ZSWIM6: variants seen among roughly 807,000 people sequenced by gnomAD.
ZSWIM6 encodes the protein zinc finger SWIM domain-containing protein 6.
ZSWIM6 carries 9 observed loss-of-function variants against 113.2 expected under a neutral mutation model. That is an observed-to-expected ratio of 0.08 (90% CI 0.05 to 0.14). The LOEUF (loss-of-function observed/expected upper bound fraction) is 0.14, where lower values mean the gene tolerates loss of function less well. Among genes scored for constraint, ZSWIM6 ranks in the 10% least tolerant of loss-of-function variants. The pLI, the probability that ZSWIM6 is intolerant of heterozygous loss-of-function variation, is 1.00. For synonymous variants in ZSWIM6, 611 were observed against 606.5 expected (o/e 1.01, Z -0.11); for missense variants, 1,162 against 1,552.2 (o/e 0.75, Z 4.22).
chr5:61,378,906 A>G (rs1273544069), intron 1 of ZSWIM6, among the ~76,000 whole-genome samples: 2 of 152,092 alleles, frequency 1.3e-5, no homozygotes, highest in East Asian at 1.9e-4. Context: ...TGGGCTGGGC[A>G]CGATGGCTCA....
intron 1 of ZSWIM6, among the ~76,000 whole-genome samples, chr5:61,452,005 C>G (rs1408422772): frequency 2.0e-5 from 3 of 152,126 alleles, no homozygotes; most frequent in Non-Finnish European, 2.9e-5. Context: ...ACCCGCTACT[C>G]AACCTTAACA....
intron 1 of ZSWIM6, among the ~76,000 whole-genome samples, chr5:61,406,246 C>T (rs1341264942): frequency 6.6e-6 from 1 of 152,172 alleles, no homozygotes; most frequent in African/African-American, 2.4e-5. Context: ...AGCAACTGAT[C>T]ATTATTGCAT....
At chr5:61,375,807 T>C in intron 1 of ZSWIM6, 1 of 1,351,380 alleles carries the variant, frequency 7.4e-7, no homozygotes, top group East Asian at 2.5e-5. Context: ...AGAAACACAG[T>C]AAGAAGAAGA....
intron 1 of ZSWIM6, among the ~76,000 whole-genome samples, chr5:61,463,960 G>A (rs1173157784): frequency 6.6e-6 from 1 of 151,842 alleles, no homozygotes; most frequent in Non-Finnish European, 1.5e-5. Context: ...CAAGTGTCTG[G>A]ATCTGTTAGT....
At chr5:61,452,623 G>A (rs1046124195) in intron 1 of ZSWIM6, among the ~76,000 whole-genome samples, 2 of 152,064 alleles carry the variant, frequency 1.3e-5, no homozygotes, top group Non-Finnish European at 2.9e-5. Context: ...TAGAAAAGTT[G>A]CAAAATAGCA....
intron 1 of ZSWIM6, 53 bp downstream of exon 1, chr5:61,333,001 G>GC (rs1554028455): frequency 1.5e-5 from 15 of 1,010,432 alleles, no homozygotes; most frequent in South Asian, 3.2e-5. Context: ...TCCCTGGGTG[G>GC]GGGGGGGGTG....
At chr5:61,335,740 CTTTA>C (rs1314646160) in intron 1 of ZSWIM6, among the ~76,000 whole-genome samples, 2 of 152,042 alleles carry the variant, frequency 1.3e-5, no homozygotes, top group Admixed American at 6.6e-5. Context: ...AGTTGTTGGA[CTTTA>C]TTTTACATTT....
intron 1 of ZSWIM6, among the ~76,000 whole-genome samples, chr5:61,360,266 A>T (rs1455029276): frequency 6.6e-6 from 1 of 152,228 alleles, no homozygotes; most frequent in East Asian, 1.9e-4. Context: ...CTCACCTTGC[A>T]GTCTGTTGAC....
chr5:61,488,722 G>T (rs1446944847), intron 2 of ZSWIM6, among the ~76,000 whole-genome samples: 1 of 151,284 alleles, frequency 6.6e-6, no homozygotes, highest in Non-Finnish European at 1.5e-5. Context: ...AGTCTATCTA[G>T]CACAAACATC....
chr5:61,417,794 T>C (rs568883616), intron 1 of ZSWIM6, among the ~76,000 whole-genome samples: 7 of 152,330 alleles, frequency 4.6e-5, no homozygotes, highest in African/African-American at 1.7e-4. Context: ...ATGGGTAGAT[T>C]GTTTATCTGT....
intron 1 of ZSWIM6, among the ~76,000 whole-genome samples, chr5:61,410,860 A>G (rs1746137493): frequency 6.6e-6 from 1 of 152,258 alleles, no homozygotes. Flanking sequence ...GTCACCAGTT[A>G]TACGACTTTG....
intron 1 of ZSWIM6, among the ~76,000 whole-genome samples, chr5:61,429,977 A>G (rs1309968571): frequency 4.6e-5 from 7 of 152,230 alleles, no homozygotes; most frequent in African/African-American, 1.7e-4. Context: ...CTGAGAGGTC[A>G]GTGGAAAATC....
In ZSWIM6 at chr5:61,531,613, A is replaced by G. The variant is rs780841383; in HGVS notation, c.2133A>G (p.Thr711=). 3.2e-6 allele frequency: 5 copies of G among 1,551,678 alleles called. No individual in the cohort carries two copies. The South Asian group carries it at 5.9e-5, about 18-fold the overall frequency. ...QQRIMPDGLY[T]QEKVCRNEEQ... ...GTATCATGCCTGATGGGCTGTACAC[A>G]CAAGAGAAAGTTTGCCGGAATGAGG... Residue 711 remains threonine (T), a synonymous_variant, in exon 9 of 14, where the codon ACA becomes ACG. Coordinates refer to ENST00000252744, the MANE Select transcript of ZSWIM6 (RefSeq NM_020928.2).
intron 1 of ZSWIM6, among the ~76,000 whole-genome samples, chr5:61,454,820 AT>A (rs1747167434): frequency 6.6e-6 from 1 of 151,206 alleles, no homozygotes; most frequent in Non-Finnish European, 1.5e-5. Context: ...CTGACCTGAA[AT>A]GATCCACCCA....
intron 13 of ZSWIM6, 71 bp downstream of exon 13, chr5:61,542,036 T>C: frequency 7.4e-7 from 1 of 1,343,550 alleles, no homozygotes; most frequent in South Asian, 1.3e-5. Flanking sequence ...GTTACAGACA[T>C]GTGAACATAT....
chr5:61,346,240 G>T (rs897686037), intron 1 of ZSWIM6, among the ~76,000 whole-genome samples: 3 of 152,154 alleles, frequency 2.0e-5, no homozygotes, highest in African/African-American at 7.2e-5. Context: ...GGTAGCCACC[G>T]TGCCTGGCCC....
rs1749262226 is a variant in ZSWIM6, at chr5:61,525,870, T to C, written c.1584T>C (p.Asp528=). The part of the protein sequence containing the change: ...AIEACDLHWQ[D]SHLQHIISSD... Reference sequence around the variant, plus strand: ...AGGCATGCGATCTCCACTGGCAGGATAGCCACTTGCAGCACATTATCAGCA... The same window carrying C: ...AGGCATGCGATCTCCACTGGCAGGACAGCCACTTGCAGCACATTATCAGCA... Residue 528 remains aspartate, a synonymous_variant, in exon 6 of 14, where the codon GAT becomes GAC. Coordinates refer to ENST00000252744, the MANE Select transcript of ZSWIM6 (RefSeq NM_020928.2). 1 of 1,551,770 alleles carries C rather than the reference T, an allele frequency of 6.4e-7. No homozygotes were observed. The highest frequency in any genetic ancestry group is 1.4e-5 in the African/African-American group (1 of 73,054).
chr5:61,442,749 C>G (rs529683220), intron 1 of ZSWIM6, among the ~76,000 whole-genome samples: 2 of 152,130 alleles, frequency 1.3e-5, no homozygotes, highest in Non-Finnish European at 2.9e-5. Context: ...TGAACTTATG[C>G]AAACAACCAC....
chr5:61,518,137 C>G (rs1180062625), intron 4 of ZSWIM6, among the ~76,000 whole-genome samples: 1 of 151,836 alleles, frequency 6.6e-6, no homozygotes, highest in Non-Finnish European at 1.5e-5. Context: ...TTTATGGCTG[C>G]ATAGTATTCC....
Sources: gnomAD v4.1 joint callset for allele counts (sites outside exome capture counted in the v4.1 genomes callset) on GRCh38, gnomAD v4.1.1 for gene constraint, MANE v1.5 for transcripts, NCBI Gene and HGNC (gene_info 2026-07-23, HGNC 2026-07-21) for gene names.